The following CDK5RAP2 variants were observed in gnomAD, a reference collection of about 807,000 sequenced individuals.
CDK5RAP2 encodes CDK5 regulatory subunit associated protein 2, also known as CDK5 regulatory subunit-associated protein 2.
Under a neutral mutation model 232.9 loss-of-function variants are expected in CDK5RAP2, and 147 were observed. That is an observed-to-expected ratio of 0.63 (90% CI 0.55 to 0.72). CDK5RAP2 has a LOEUF of 0.72. Ranked by LOEUF, CDK5RAP2 falls within the 30% of genes least tolerant of loss-of-function variation. The pLI is 0.00. For synonymous variants in CDK5RAP2, 833 were observed against 833.7 expected, an observed-to-expected ratio of 1.00 and a Z score of 0.01; for missense variants, 2,195 against 2,231.5, an observed-to-expected ratio of 0.98 and a Z score of 0.33.
At chr9:120,397,605 T>C (rs970148559) in intron 35 of CDK5RAP2, among the ~76,000 whole-genome samples, 1 of 141,504 alleles carries the variant, frequency 7.1e-6, no homozygotes, top group Non-Finnish European at 1.5e-5. Flanking sequence ...AGTATCATTA[T>C]GACACCTTAA....
intron 36 of CDK5RAP2, chr9:120,390,130 C>CCAGGGAGGGCAATGGCG: frequency 3.3e-6 from 1 of 303,132 alleles, no homozygotes; most frequent in Non-Finnish European, 6.5e-6. Flanking sequence ...CTTCTGTGGG[C>CCAGGGAGGGCAATGGCG]CAGGGAGGGC....
chr9:120,493,387 T>C (rs1193003466), intron 12 of CDK5RAP2, among the ~76,000 whole-genome samples: 1 of 152,240 alleles, frequency 6.6e-6, no homozygotes, highest in Non-Finnish European at 1.5e-5. Context: ...CACTTTCCTG[T>C]ATGAGCTGCA....
intron 23 of CDK5RAP2, among the ~76,000 whole-genome samples, chr9:120,442,403 G>C (rs1421829848): frequency 1.3e-5 from 2 of 152,146 alleles, no homozygotes; most frequent in African/African-American, 4.8e-5. Flanking sequence ...CCAAGTATCT[G>C]TCAAGGGCCT....
rs528392536 is a variant in CDK5RAP2 at position 120,394,910 on chromosome 9, C to T, written c.5452-272G>A. 2.8e-3 allele frequency among the ~76,000 whole-genome samples: 419 copies of T among 152,288 alleles called. 1 individual carries two copies. The highest frequency in any genetic ancestry group is 4.8e-3 in the Non-Finnish European group (324 of 68,022). On this transcript the variant is annotated intron_variant, in intron 35 of 37. Transcript: ENST00000349780. ...TGGCAAGATCTACCAAACTGAGATG[C>T]GCTTAACTCTTTGCCCCAGCAATTC...
rs1032585204 is a variant in CDK5RAP2, at chr9:120,414,942, T to C, written c.4297+98A>G. ...TCCAAGATGGAAAAATGAACATTTA[T>C]CAAGCACCTGCTTTGTACACAGATG... On this transcript the variant is annotated intron_variant, in intron 28 of 37. Coordinates refer to ENST00000349780, the MANE Select transcript of CDK5RAP2 (RefSeq NM_018249.6). 7 of 1,412,998 alleles carry C rather than the reference T, an allele frequency of 5.0e-6. No homozygotes were observed. The Admixed American group carries it at 1.2e-4, about 24-fold the overall frequency. 87.5% of individuals were successfully genotyped at this position (1,412,998 alleles called of 1,614,324 possible).
At chr9:120,464,325 T>G (rs1361092030) in intron 18 of CDK5RAP2, among the ~76,000 whole-genome samples, 1 of 152,054 alleles carries the variant, frequency 6.6e-6, no homozygotes, top group Non-Finnish European at 1.5e-5. Flanking sequence ...CTGCATTCAC[T>G]CCATCACAGC....
chr9:120,411,999 T>C (rs1185468481), intron 28 of CDK5RAP2, among the ~76,000 whole-genome samples: 7 of 152,330 alleles, frequency 4.6e-5, no homozygotes, highest in African/African-American at 4.8e-5. Context: ...TGCTGCTTCC[T>C]CCAAAATGCT....
chr9:120,498,187 T>C (rs915533109), intron 12 of CDK5RAP2, among the ~76,000 whole-genome samples: 1 of 152,228 alleles, frequency 6.6e-6, no homozygotes, highest in African/African-American at 2.4e-5. Flanking sequence ...ATAAATAGTC[T>C]GGGCTTCCAG....
At chr9:120,513,687 G>A (rs1233372275) in intron 12 of CDK5RAP2, among the ~76,000 whole-genome samples, 2 of 152,178 alleles carry the variant, frequency 1.3e-5, no homozygotes, top group African/African-American at 2.4e-5. Context: ...GTTTCTTCAT[G>A]TCTCTATTAT....
chr9:120,512,246 G>A (rs1437434161), intron 12 of CDK5RAP2, among the ~76,000 whole-genome samples: 3 of 152,172 alleles, frequency 2.0e-5, no homozygotes, highest in African/African-American at 4.8e-5. Flanking sequence ...CTACTCAGGA[G>A]GCTGAGTCAG....
intron 37 of CDK5RAP2, among the ~76,000 whole-genome samples, 161 bp downstream of exon 37, chr9:120,389,580 G>C (rs576663236): frequency 6.6e-6 from 1 of 152,342 alleles, no homozygotes; most frequent in African/African-American, 2.4e-5. Flanking sequence ...GACAGGGCAT[G>C]ATAAAACACA....
At chr9:120,578,110 T>C (rs1232831359) in intron 1 of CDK5RAP2, among the ~76,000 whole-genome samples, 1 of 151,926 alleles carries the variant, frequency 6.6e-6, no homozygotes, top group African/African-American at 2.4e-5. Context: ...TCTACTAAAA[T>C]ACAAAAATTA....
chr9:120,551,179 G>T (rs1351065202), intron 3 of CDK5RAP2, among the ~76,000 whole-genome samples: 1 of 151,958 alleles, frequency 6.6e-6, no homozygotes, highest in East Asian at 1.9e-4. Context: ...CTGATAATAA[G>T]AAGAAAAGGA....
At chr9:120,418,075 T>C (rs1475679941) in intron 27 of CDK5RAP2, among the ~76,000 whole-genome samples, 1 of 152,150 alleles carries the variant, frequency 6.6e-6, no homozygotes, top group Non-Finnish European at 1.5e-5. Context: ...AAATACTAAA[T>C]TATCTCTCTA....
At chr9:120,468,071 C>G (rs1250970717) in intron 17 of CDK5RAP2, 74 bp from the exon 18 acceptor site, 6 of 1,498,050 alleles carry the variant, frequency 4.0e-6, no homozygotes, top group African/African-American at 2.7e-5. Flanking sequence ...CAGCCCCAGA[C>G]AGCCCTATCA....
At chr9:120,423,207 C>A (rs1018855411) in intron 25 of CDK5RAP2, among the ~76,000 whole-genome samples, 2 of 152,156 alleles carry the variant, frequency 1.3e-5, no homozygotes, top group Non-Finnish European at 1.5e-5. Context: ...ATAGCCATTT[C>A]TCTTACTAAA....
At chr9:120,572,633 C>A (rs1002741316) in intron 1 of CDK5RAP2, among the ~76,000 whole-genome samples, 1 of 152,200 alleles carries the variant, frequency 6.6e-6, no homozygotes, top group Non-Finnish European at 1.5e-5. Context: ...GAGACACTGA[C>A]AGAAAACTAA....
chr9:120,448,787 A>G (rs1423828302), intron 21 of CDK5RAP2, among the ~76,000 whole-genome samples: 1 of 151,982 alleles, frequency 6.6e-6, no homozygotes, highest in Admixed American at 6.6e-5. Context: ...CTTGCCACCC[A>G]CTTTCACTAC....
At chr9:120,499,985 T>C (rs979380095) in intron 12 of CDK5RAP2, among the ~76,000 whole-genome samples, 5 of 152,204 alleles carry the variant, frequency 3.3e-5, no homozygotes, top group African/African-American at 1.2e-4. Flanking sequence ...AAAAGAAAAG[T>C]TTAAGAGAAT....
Sources: gnomAD v4.1 joint callset for allele counts (sites outside exome capture counted in the v4.1 genomes callset) on GRCh38, gnomAD v4.1.1 for gene constraint, MANE v1.5 for transcripts, NCBI Gene and HGNC (gene_info 2026-07-23, HGNC 2026-07-21) for gene names.